TSPEAR: variants seen among roughly 807,000 people sequenced by gnomAD.
TSPEAR encodes thrombospondin type laminin G domain and EAR repeats, also known as thrombospondin-type laminin G domain and EAR repeat-containing protein.
A neutral mutation model predicts 71.6 loss-of-function variants in TSPEAR; 69 were observed. That is an observed-to-expected ratio of 0.96 (90% CI 0.79 to 1.18). The LOEUF (loss-of-function observed/expected upper bound fraction) is 1.18, where lower values mean the gene tolerates loss of function less well. Ranked by LOEUF, TSPEAR falls within the 50% of genes most tolerant of loss-of-function variation. The pLI, the probability that TSPEAR is intolerant of heterozygous loss-of-function variation, is 0.00. For synonymous variants in TSPEAR, 402 were observed against 387.2 expected, an observed-to-expected ratio of 1.04 and a Z score of -0.45; for missense variants, 971 against 894.9, an observed-to-expected ratio of 1.09 and a Z score of -1.09.
chr21:44,705,749 C>G (rs926437784), intron 1 of TSPEAR, among the ~76,000 whole-genome samples: 1 of 152,136 alleles, frequency 6.6e-6, no homozygotes, highest in Non-Finnish European at 1.5e-5. Flanking sequence ...CAATGGTGCC[C>G]GAAACTTCAT....
At position 44,593,887 on chromosome 21, in the gene TSPEAR, C is replaced by T. The variant is rs1478379093; in HGVS notation, c.83-25882G>A. ...TCCACCAGCAGATGCCAACTGACCA[C>T]GTTCCACAGCCATGACCACAGCTCT... is the stretch of plus-strand genomic sequence containing the variant. On this transcript the variant is annotated intron_variant, in intron 1 of 11. Transcript: ENST00000323084. The surrounding 1 kb of genome is among the most constrained non-coding windows in gnomAD (Gnocchi z 5.9). 6.6e-6 allele frequency among the ~76,000 whole-genome samples: 1 copy of T among 152,230 alleles called. No individual in the cohort carries two copies. The highest frequency in any genetic ancestry group is 1.5e-5 in the Non-Finnish European group (1 of 68,044).
At chr21:44,582,972 A>G (rs77044899) in intron 1 of TSPEAR, among the ~76,000 whole-genome samples, 143,756 of 152,106 alleles carry the variant, frequency 0.95, 68,077 homozygotes, top group Non-Finnish European at 0.97. Flanking sequence ...ACAGGTGTGC[A>G]CCACCACATC....
intron 9 of TSPEAR, chr21:44,518,857 A>C (rs782096482): frequency 1.4e-5 from 5 of 367,038 alleles, no homozygotes; most frequent in South Asian, 2.0e-5. Context: ...TGGGGCCAGC[A>C]GGGCGCACGT....
intron 1 of TSPEAR, among the ~76,000 whole-genome samples, chr21:44,651,909 G>A (rs1210643357): frequency 6.6e-6 from 1 of 152,002 alleles, no homozygotes; most frequent in Admixed American, 6.5e-5. Flanking sequence ...GTCTTACTGA[G>A]GACTATAGAC....
At chr21:44,509,716 C>T (rs1569152560) in intron 9 of TSPEAR, 2 of 323,502 alleles carry the variant, frequency 6.2e-6, no homozygotes, top group African/African-American at 4.3e-5. Context: ...CTGGCAGCCT[C>T]CTTGGCCACT....
intron 1 of TSPEAR, among the ~76,000 whole-genome samples, chr21:44,588,747 TTA>T (rs36029706): frequency 1.4e-5 from 2 of 146,242 alleles, no homozygotes; most frequent in African/African-American, 2.5e-5. Context: ...TATATATATG[TTA>T]TATATATGTA....
chr21:44,501,371 A>C (rs900425548), intron 11 of TSPEAR, among the ~76,000 whole-genome samples: 1 of 152,188 alleles, frequency 6.6e-6, no homozygotes, highest in African/African-American at 2.4e-5. Flanking sequence ...CGAGGCGGGC[A>C]GATCACAAGG....
At position 44,708,037 on chromosome 21, in the gene TSPEAR, ACACACAC is replaced by A. The variant is rs1329320626; in HGVS notation, c.82+3389_82+3395del. On this transcript the variant is annotated intron_variant, in intron 1 of 11. Coordinates refer to ENST00000323084, the MANE Select transcript of TSPEAR (RefSeq NM_144991.3). ...CACACACACACACACACACACACAC[ACACACAC>A]ACCACACAGCACGAGGCGACAGAGA... Among the ~76,000 whole-genome samples, 3 of 122,094 alleles carry A rather than the reference ACACACAC, an allele frequency of 2.5e-5. No individual in the cohort carries two copies. The East Asian group carries it at 8.9e-4, about 36-fold the overall frequency. The allele number at this position is 122,094 out of a possible 152,430, so 80.1% of individuals were successfully genotyped here. A position where few individuals can be genotyped will look rare whatever the true frequency, so the allele number is the denominator to read the frequency against.
chr21:44,619,187 A>G (rs1293456465), intron 1 of TSPEAR, among the ~76,000 whole-genome samples: 1 of 152,258 alleles, frequency 6.6e-6, no homozygotes, highest in Non-Finnish European at 1.5e-5. Flanking sequence ...GAGCCCAGCT[A>G]CAAACCCTGA....
chr21:44,627,055 C>T, intron 1 of TSPEAR: 1 of 1,485,396 alleles, frequency 6.7e-7, no homozygotes, highest in Non-Finnish European at 9.2e-7. Context: ...ACAACAAGGC[C>T]AGGAGGGGTA....
At chr21:44,584,119 C>T (rs73381260) in intron 1 of TSPEAR, among the ~76,000 whole-genome samples, 9,619 of 152,216 alleles carry the variant, frequency 0.063, 913 homozygotes, top group African/African-American at 0.21. Flanking sequence ...CCTGTGAACC[C>T]CCACTCTACT....
intron 1 of TSPEAR, among the ~76,000 whole-genome samples, chr21:44,649,860 C>A (rs587644896): frequency 1.3e-5 from 2 of 152,268 alleles, no homozygotes; most frequent in African/African-American, 2.4e-5. Context: ...CACTGACGCA[C>A]AGAGGAACCC....
At chr21:44,649,752 G>C (rs1055225306) in intron 1 of TSPEAR, among the ~76,000 whole-genome samples, 3 of 152,202 alleles carry the variant, frequency 2.0e-5, no homozygotes, top group African/African-American at 7.2e-5. Context: ...CTTCCTGTGT[G>C]TGCAGTGGGC....
rs1179660335 is a variant in TSPEAR at position 44,642,019 on chromosome 21, T to G, written c.82+69414A>C. On this transcript the variant is annotated intron_variant, in intron 1 of 11. Transcript: ENST00000323084. The surrounding 1 kb of genome is among the most constrained non-coding windows in gnomAD (Gnocchi z 4.1). ...AAATCTAAAGAAAATAAAAATAAAG[T>G]CTAATAAAAATAAGCAGACATGAAA... Among the ~76,000 whole-genome samples the G allele has an allele frequency of 6.6e-6, 1 of 151,904 alleles. No homozygotes were observed. Among genetic ancestry groups the G allele is most frequent in the Non-Finnish European group, 1.5e-5 (1 of 67,982 alleles).
At chr21:44,653,658 C>A (rs587718536) in intron 1 of TSPEAR, among the ~76,000 whole-genome samples, 1 of 152,310 alleles carries the variant, frequency 6.6e-6, no homozygotes, top group African/African-American at 2.4e-5. Context: ...AAGCAGATGG[C>A]CCGTTTTACC....
Position 44,694,643 on chromosome 21 carries a change from C to CA in TSPEAR, c.82+16789dup, listed in dbSNP as rs112202746. ...ATTTTATGTTATATATATTTTATCA[C>CA]AAAAAAAACATTTTTAAAGGCAGTC... is the stretch of plus-strand genomic sequence containing the variant. On this transcript the variant is annotated intron_variant, in intron 1 of 11. Transcript: ENST00000323084. 2.4e-3 allele frequency among the ~76,000 whole-genome samples: 362 copies of CA among 151,584 alleles called. 3 individuals are homozygous for CA. Among genetic ancestry groups the CA allele is most frequent in the African/African-American group, 7.1e-3 (293 of 41,322 alleles).
intron 1 of TSPEAR, among the ~76,000 whole-genome samples, chr21:44,705,458 A>G (rs1477578357): frequency 6.6e-6 from 1 of 152,274 alleles, no homozygotes; most frequent in Non-Finnish European, 1.5e-5. Context: ...GAACAGAGCC[A>G]TATTTCTCTT....
chr21:44,510,698 G>T (rs1343692015), intron 9 of TSPEAR: 4 of 152,316 alleles, frequency 2.6e-5, no homozygotes, highest in African/African-American at 9.6e-5. Context: ...AGCCCGGAGA[G>T]CCTGGGCTGC....
At chr21:44,651,539 T>TC (rs1555941429) in intron 1 of TSPEAR, among the ~76,000 whole-genome samples, 1 of 152,098 alleles carries the variant, frequency 6.6e-6, no homozygotes, top group East Asian at 1.9e-4. Context: ...TGGAAATGGC[T>TC]CGAGCCCTTG....
Sources: gnomAD v4.1 joint callset for allele counts (sites outside exome capture counted in the v4.1 genomes callset) on GRCh38, gnomAD v4.1.1 for gene constraint, Gnocchi (gnomAD v3.1) non-coding constraint, MANE v1.5 for transcripts, NCBI Gene and HGNC (gene_info 2026-07-23, HGNC 2026-07-21) for gene names.